DTD1: variants seen among roughly 807,000 people sequenced by gnomAD.
The protein encoded by DTD1 is D-tyrosyl-tRNA deacylase 1 homolog.
Under a neutral mutation model 25.6 loss-of-function variants are expected in DTD1, and 13 were observed. The ratio of observed to expected loss-of-function variants is 0.51; its 90% confidence interval spans 0.33 to 0.81. The LOEUF (loss-of-function observed/expected upper bound fraction) is 0.81. Among genes scored for constraint, DTD1 ranks in the 30% least tolerant of loss-of-function variants. The pLI is 0.02. For synonymous variants in DTD1, 110 were observed against 103.6 expected (o/e 1.06, Z -0.37); for missense variants, 193 against 266.4 (o/e 0.72, Z 1.92).
At chr20:18,652,131 T>C (rs1461790905) in intron 4 of DTD1, among the ~76,000 whole-genome samples, 1 of 152,096 alleles carries the variant, frequency 6.6e-6, no homozygotes, top group Non-Finnish European at 1.5e-5. Flanking sequence ...CTGTCTGCAG[T>C]GGTTGGGGCT....
intron 4 of DTD1, among the ~76,000 whole-genome samples, chr20:18,639,319 C>T (rs1255288093): frequency 6.6e-6 from 1 of 152,042 alleles, no homozygotes; most frequent in East Asian, 1.9e-4. Flanking sequence ...CTGTAAAAAG[C>T]CCAAGAAACA....
chr20:18,697,154 C>A (rs2061081000), intron 4 of DTD1, among the ~76,000 whole-genome samples: 1 of 151,690 alleles, frequency 6.6e-6, no homozygotes, highest in Non-Finnish European at 1.5e-5. Flanking sequence ...ATGGCGAGAA[C>A]CTGGGAGGCG....
At chr20:18,616,176 GAC>G (rs1218195545) in intron 3 of DTD1, among the ~76,000 whole-genome samples, 4 of 152,140 alleles carry the variant, frequency 2.6e-5, no homozygotes, top group Non-Finnish European at 5.9e-5. Flanking sequence ...GTAAAAGTTT[GAC>G]ACAGATGTCC....
intron 4 of DTD1, among the ~76,000 whole-genome samples, chr20:18,683,937 C>T (rs1363587101): frequency 2.0e-5 from 3 of 152,158 alleles, no homozygotes; most frequent in Non-Finnish European, 2.9e-5. Context: ...TTTTCCCCCT[C>T]TACTTAGATA....
intron 3 of DTD1, among the ~76,000 whole-genome samples, chr20:18,617,378 A>G (rs2060713169): frequency 6.7e-6 from 1 of 149,564 alleles, no homozygotes; most frequent in African/African-American, 2.4e-5. Context: ...ATATAATATA[A>G]TGTATATACA....
intron 4 of DTD1, among the ~76,000 whole-genome samples, chr20:18,709,046 A>G (rs749132135): frequency 3.9e-5 from 6 of 152,178 alleles, no homozygotes; most frequent in Non-Finnish European, 7.3e-5. Context: ...TGCCTCTAGG[A>G]CAACAGTGCT....
intron 4 of DTD1, among the ~76,000 whole-genome samples, chr20:18,633,577 G>A (rs2122323920): frequency 6.6e-6 from 1 of 152,334 alleles, no homozygotes; most frequent in South Asian, 2.1e-4. Context: ...ACAGCTGGTG[G>A]GCTGTGGTGT....
intron 4 of DTD1, among the ~76,000 whole-genome samples, chr20:18,657,248 G>A (rs936377085): frequency 3.3e-5 from 5 of 152,098 alleles, no homozygotes; most frequent in Admixed American, 1.3e-4. Flanking sequence ...CTACTTTGCC[G>A]ATTAACAGGT....
chr20:18,738,901 AG>A (rs2061266922), intron 4 of DTD1, among the ~76,000 whole-genome samples: 1 of 152,260 alleles, frequency 6.6e-6, no homozygotes, highest in South Asian at 2.1e-4. Context: ...GATCCCTAAC[AG>A]GTGACACATA....
At position 18,734,369 on chromosome 20, in the gene DTD1, G is replaced by A. The variant is rs374706001; in HGVS notation, c.478-9731G>A. ...GAATCTCTATACGAAGTTGACACAT[G>A]GTCATTGGGCTGGCCAGTGGTGATG... On this transcript the variant is annotated intron_variant, in intron 4 of 5. Transcript: ENST00000377452. Among the ~76,000 whole-genome samples, 4 of 152,234 alleles carry A rather than the reference G, an allele frequency of 2.6e-5. No homozygotes were observed. The South Asian group carries it at 8.3e-4, about 31-fold the overall frequency.
At chr20:18,755,947 T>C in intron 5 of DTD1, among the ~76,000 whole-genome samples, 1 of 152,242 alleles carries the variant, frequency 6.6e-6, no homozygotes, top group Non-Finnish European at 1.5e-5. Flanking sequence ...TTCCTGACTT[T>C]TGAATGATCA....
Position 18,747,855 on chromosome 20 carries a change from C to CAAAA in DTD1, c.*19+3595_*19+3598dup, listed in dbSNP as rs11483388. 1.7e-3 allele frequency among the ~76,000 whole-genome samples: 241 copies of CAAAA among 142,446 alleles called. 1 individual carries two copies. Among genetic ancestry groups the CAAAA allele is most frequent in the African/African-American group, 2.1e-3 (79 of 38,052 alleles). The allele number at this position is 142,446 out of a possible 152,430, so 93.5% of individuals were successfully genotyped here. A position where few individuals can be genotyped will look rare whatever the true frequency, so the allele number is the denominator to read the frequency against. On this transcript the variant is annotated intron_variant, in intron 5 of 5. Coordinates refer to ENST00000377452, the MANE Select transcript of DTD1 (RefSeq NM_080820.6). Reference sequence around the variant, plus strand: ...TGAAACTCCGTCTCTATAAAAAATACAAAAAAAAAAAAAATTAGCTGGGCA... The same window carrying CAAAA: ...TGAAACTCCGTCTCTATAAAAAATACAAAAAAAAAAAAAAAAAATTAGCTGGGCA...
At chr20:18,723,815 A>G (rs943368262) in intron 4 of DTD1, among the ~76,000 whole-genome samples, 10 of 152,256 alleles carry the variant, frequency 6.6e-5, no homozygotes, top group Non-Finnish European at 7.3e-5. Flanking sequence ...TGCTACAGGT[A>G]TCAAAAGATA....
chr20:18,721,747 T>C (rs561404021), intron 4 of DTD1, among the ~76,000 whole-genome samples: 2 of 152,322 alleles, frequency 1.3e-5, no homozygotes, highest in Admixed American at 6.5e-5. Flanking sequence ...TTTCCTATTT[T>C]AAGTTTTATT....
At chr20:18,701,325 A>G (rs1357667958) in intron 4 of DTD1, among the ~76,000 whole-genome samples, 1 of 152,258 alleles carries the variant, frequency 6.6e-6, no homozygotes, top group Non-Finnish European at 1.5e-5. Flanking sequence ...ATGTACTAAC[A>G]AGCACCCCAA....
intron 5 of DTD1, among the ~76,000 whole-genome samples, chr20:18,745,452 A>G (rs2061296162): frequency 6.6e-6 from 1 of 152,198 alleles, no homozygotes; most frequent in South Asian, 2.1e-4. Context: ...AAGCATAGGA[A>G]CAGTTATACT....
chr20:18,588,223 C>A, intron 1 of DTD1, 108 bp downstream of exon 1: 1 of 1,037,558 alleles, frequency 9.6e-7, no homozygotes. Flanking sequence ...TGCGGCCCCT[C>A]CGCGAGCCTG....
At chr20:18,619,731 C>T (rs2060725399) in intron 3 of DTD1, among the ~76,000 whole-genome samples, 1 of 152,136 alleles carries the variant, frequency 6.6e-6, no homozygotes, top group Non-Finnish European at 1.5e-5. Flanking sequence ...GGCCTCCTCT[C>T]CTGCTTTTAT....
chr20:18,638,068 C>T (rs967993721), intron 4 of DTD1, among the ~76,000 whole-genome samples: 1 of 152,212 alleles, frequency 6.6e-6, no homozygotes, highest in African/African-American at 2.4e-5. Flanking sequence ...GCAAGGATTT[C>T]GTAGTGGTAA....
Sources: allele counts gnomAD v4.1 joint callset (sites outside exome capture counted in the v4.1 genomes callset), GRCh38; gene constraint gnomAD v4.1.1; transcripts MANE v1.5; gene names NCBI Gene and HGNC (gene_info 2026-07-23, HGNC 2026-07-21).